The following RPTOR variants were observed in gnomAD, a reference collection of about 807,000 sequenced individuals.
The protein encoded by RPTOR is regulatory-associated protein of mTOR.
Under a neutral mutation model 169.9 loss-of-function variants are expected in RPTOR, and 21 were observed. That is an observed-to-expected ratio of 0.12 (90% confidence interval 0.09 to 0.18). The LOEUF (loss-of-function observed/expected upper bound fraction) is 0.18, where lower values mean the gene tolerates loss of function less well. Ranked by LOEUF, RPTOR falls within the 10% of genes least tolerant of loss-of-function variation. The pLI is 1.00. For synonymous variants in RPTOR, 732 were observed against 753.2 expected, an observed-to-expected ratio of 0.97 and a Z score of 0.46; for missense variants, 1,133 against 1,855.9, an observed-to-expected ratio of 0.61 and a Z score of 7.16.
intron 3 of RPTOR, among the ~76,000 whole-genome samples, chr17:80,648,825 G>A (rs1006879672): frequency 1.3e-5 from 2 of 152,146 alleles, no homozygotes; most frequent in Non-Finnish European, 2.9e-5. Flanking sequence ...GGGGAACCCA[G>A]TGGGAGGTAA....
intron 1 of RPTOR, among the ~76,000 whole-genome samples, chr17:80,608,966 GC>G (rs2065248399): frequency 6.6e-6 from 1 of 152,224 alleles, no homozygotes; most frequent in African/African-American, 2.4e-5. Context: ...AATGAACAAT[GC>G]CTTTTACTGA....
intron 10 of RPTOR, among the ~76,000 whole-genome samples, chr17:80,843,735 T>C (rs1017821031): frequency 1.3e-5 from 2 of 152,156 alleles, no homozygotes; most frequent in Non-Finnish European, 2.9e-5. Context: ...CATCTCAGAA[T>C]GTCCAGATGG....
chr17:80,816,367 C>T (rs1391761910), intron 7 of RPTOR, among the ~76,000 whole-genome samples: 2 of 152,156 alleles, frequency 1.3e-5, no homozygotes, highest in African/African-American at 4.8e-5. Flanking sequence ...CTGGGGCCTC[C>T]GGGGTTTCGA....
At chr17:80,949,637 T>A in intron 28 of RPTOR, 90 bp downstream of exon 28, 1 of 1,047,272 alleles carries the variant, frequency 9.5e-7, no homozygotes, top group Non-Finnish European at 1.5e-6. Context: ...GGGCTGTCTC[T>A]AAACAGGCTG....
At chr17:80,792,158 G>A (rs895456723) in intron 7 of RPTOR, among the ~76,000 whole-genome samples, 2 of 152,088 alleles carry the variant, frequency 1.3e-5, no homozygotes, top group Non-Finnish European at 2.9e-5. Flanking sequence ...CGGATTCATC[G>A]TGACTCATCC....
At chr17:80,777,747 C>G (rs2066905658) in intron 6 of RPTOR, among the ~76,000 whole-genome samples, 1 of 152,212 alleles carries the variant, frequency 6.6e-6, no homozygotes, top group African/African-American at 2.4e-5. Context: ...ACGTCTAGGC[C>G]TTTGGTCCGT....
chr17:80,685,826 A>G (rs991756378), intron 3 of RPTOR, among the ~76,000 whole-genome samples: 1 of 150,870 alleles, frequency 6.6e-6, no homozygotes, highest in Admixed American at 6.6e-5. Flanking sequence ...CGTAAGCGTA[A>G]GATGGACCCC....
At chr17:80,896,269 C>T (rs916882832) in intron 20 of RPTOR, among the ~76,000 whole-genome samples, 2 of 152,014 alleles carry the variant, frequency 1.3e-5, no homozygotes, top group East Asian at 1.9e-4. Context: ...TGCTTCTCAG[C>T]GTCTCCCTGG....
intron 5 of RPTOR, among the ~76,000 whole-genome samples, chr17:80,735,085 C>T (rs759678756): frequency 2.2e-4 from 34 of 152,284 alleles, no homozygotes; most frequent in Non-Finnish European, 4.4e-4. Context: ...TCGCTTTAGA[C>T]CGAGTTGGCC....
chr17:80,924,917 G>A (rs887749484), intron 23 of RPTOR, among the ~76,000 whole-genome samples: 2 of 152,232 alleles, frequency 1.3e-5, no homozygotes, highest in African/African-American at 4.8e-5. Flanking sequence ...GGGAGCTCCA[G>A]CCGGCCTGCA....
chr17:80,936,645 CTG>C lies in RPTOR; in HGVS notation c.2920-3846_2920-3845del, dbSNP rs1005808143. ...ATACAACATTCCAGGGAAGGCAAAA[CTG>C]TGTGGAACTGTTCTATATCTTCCAC... On this transcript the variant is annotated intron_variant, in intron 24 of 33. Transcript: ENST00000306801. This position sits in a 1 kb window ranked among gnomAD's most constrained non-coding sequence, Gnocchi z 4.1. 2.0e-5 allele frequency among the ~76,000 whole-genome samples: 3 copies of C among 152,218 alleles called. No homozygotes were observed. The highest frequency in any genetic ancestry group is 7.2e-5 in the African/African-American group (3 of 41,460).
intron 20 of RPTOR, among the ~76,000 whole-genome samples, chr17:80,906,756 C>T (rs1279186325): frequency 3.3e-5 from 5 of 152,118 alleles, no homozygotes; most frequent in South Asian, 2.1e-4. Flanking sequence ...TAGATGGCAG[C>T]GTGACCTCCT....
chr17:80,667,851 A>G (rs1467734224), intron 3 of RPTOR, among the ~76,000 whole-genome samples: 1 of 152,210 alleles, frequency 6.6e-6, no homozygotes, highest in Admixed American at 6.5e-5. Context: ...CTTTTCATTC[A>G]TTCGGTTCCC....
intron 7 of RPTOR, among the ~76,000 whole-genome samples, chr17:80,794,754 C>T (rs571652598): frequency 6.6e-6 from 1 of 152,346 alleles, no homozygotes; most frequent in South Asian, 2.1e-4. Context: ...CTATATACAC[C>T]GCCATTTGGG....
rs1328739634 is a variant in RPTOR at position 80,632,340 on chromosome 17, G to A, written c.265+6547G>A. On this transcript the variant is annotated intron_variant, in intron 2 of 33. Coordinates refer to ENST00000306801, the MANE Select transcript of RPTOR (RefSeq NM_020761.3). The stretch of plus-strand genomic sequence containing the variant: ...CCTGTGTGTGCTCCGGGGACGGGAC[G>A]CGCAGGCCCTTCGGGGTTGTGTAGG... Among the ~76,000 whole-genome samples the A allele has an allele frequency of 3.9e-5, 6 of 152,198 alleles. No individual in the cohort carries two copies. The East Asian group carries it at 9.6e-4, about 24-fold the overall frequency.
chr17:80,743,807 G>C (rs2066516618), intron 5 of RPTOR, among the ~76,000 whole-genome samples: 1 of 131,770 alleles, frequency 7.6e-6, no homozygotes, highest in Non-Finnish European at 1.7e-5. Context: ...GCACAGCCCT[G>C]GCTACTAGCA....
intron 33 of RPTOR, 97 bp downstream of exon 33, chr17:80,963,154 C>T: frequency 2.5e-6 from 3 of 1,223,308 alleles, no homozygotes; most frequent in Admixed American, 2.0e-5. Context: ...CTGGCTACCC[C>T]ACACCACAGT....
intron 1 of RPTOR, among the ~76,000 whole-genome samples, chr17:80,569,260 TG>T (rs1289031051): frequency 6.6e-6 from 1 of 152,210 alleles, no homozygotes; most frequent in Non-Finnish European, 1.5e-5. Context: ...GTTGAGCATC[TG>T]CGTTTTGTTT....
intron 7 of RPTOR, among the ~76,000 whole-genome samples, chr17:80,814,979 G>A (rs2067308962): frequency 6.6e-6 from 1 of 152,176 alleles, no homozygotes; most frequent in Non-Finnish European, 1.5e-5. Context: ...AAGACAGGAG[G>A]GTGGTCTGAG....
Sources: gnomAD v4.1 joint callset for allele counts (sites outside exome capture counted in the v4.1 genomes callset) on GRCh38, gnomAD v4.1.1 for gene constraint, Gnocchi (gnomAD v3.1) non-coding constraint, MANE v1.5 for transcripts, NCBI Gene and HGNC (gene_info 2026-07-23, HGNC 2026-07-21) for gene names.